The following DMD variants were observed in gnomAD, a reference collection of about 807,000 sequenced individuals.
DMD encodes the protein mutant dystrophin.
A neutral mutation model predicts 330.1 loss-of-function variants in DMD; 63 were observed. The ratio of observed to expected loss-of-function variants is 0.19; its 90% CI spans 0.16 to 0.24. The LOEUF (loss-of-function observed/expected upper bound fraction) is 0.24. Among genes scored for constraint, DMD ranks in the 10% least tolerant of loss-of-function variants. DMD has a pLI of 1.00. For missense variants in DMD, 3,344 were observed against 2,684.1 expected, an observed-to-expected ratio of 1.25 and a Z score of -5.43; for synonymous variants, 1,223 against 959.8, an observed-to-expected ratio of 1.27 and a Z score of -5.07.
chrX:32,931,848 A>G lies in DMD; in HGVS notation c.94-82028T>C, dbSNP rs1474488293. On this transcript the variant is annotated intron_variant, in intron 2 of 78. Coordinates refer to ENST00000357033, the MANE Select transcript of DMD (RefSeq NM_004006.3). Reference sequence around the variant, plus strand: ...AGCTGTATTTCATTTTAAGGTTTGAAACTCCAATATCTACTGTGTCAAAGC... The same window carrying G: ...AGCTGTATTTCATTTTAAGGTTTGAGACTCCAATATCTACTGTGTCAAAGC... Among the ~76,000 whole-genome samples the G allele has an allele frequency of 1.7e-4, 19 of 111,646 alleles. No individual in the cohort carries two copies. The Admixed American group carries it at 1.8e-3, about 11-fold the overall frequency.
chrX:32,216,375 C>T (rs1007119342), intron 44 of DMD, among the ~76,000 whole-genome samples: 1 of 111,559 alleles, frequency 9.0e-6, no homozygotes, highest in Non-Finnish European at 1.9e-5. Flanking sequence ...TAACATAAAC[C>T]ATAAAATGTC....
intron 4 of DMD, among the ~76,000 whole-genome samples, chrX:32,839,216 A>AC (rs2079934267): frequency 9.2e-6 from 1 of 108,421 alleles, no homozygotes; most frequent in Non-Finnish European, 1.9e-5. Context: ...AACTCACTCT[A>AC]CTCCACTTGC....
chrX:32,625,096 G>A (rs897088800), intron 11 of DMD, among the ~76,000 whole-genome samples: 3 of 111,773 alleles, frequency 2.7e-5, no homozygotes, highest in East Asian at 2.8e-4. Flanking sequence ...GCTTGAACCC[G>A]GGAGGCGGAG....
rs2149989725 is a variant in DMD, at chrX:31,929,672, A to C, written c.6836T>G (p.Val2279Gly). 8.3e-7 allele frequency: 1 copy of C among 1,211,265 alleles called. No homozygotes were observed. The highest frequency in any genetic ancestry group is 1.1e-6 in the Non-Finnish European group (1 of 895,225). Residue 2279 changes from valine (V) to glycine (G), a missense_variant, in exon 47 of 79, where the codon GTA becomes GGA. Val to Gly is a moderately radical substitution (Grantham distance 109, BLOSUM62 -3). Coordinates refer to ENST00000357033, the MANE Select transcript of DMD (RefSeq NM_004006.3). ...QLNETGGPVLVSAPISPEEQD... is the reference protein window; with the variant it reads ...QLNETGGPVLGSAPISPEEQD... ...CTCTTCTGGGCTTATGGGAGCACTT[A>C]CAAGCACGGGTCCTCCAGTTTCATT...
chrX:32,224,478 T>C (rs924891971), intron 43 of DMD, among the ~76,000 whole-genome samples: 7 of 111,725 alleles, frequency 6.3e-5, no homozygotes, highest in South Asian at 7.3e-4. Context: ...AGATAATGCA[T>C]GAACAGCAGA....
At chrX:32,416,702 T>C (rs1056707786) in intron 29 of DMD, among the ~76,000 whole-genome samples, 27 of 111,830 alleles carry the variant, frequency 2.4e-4, no homozygotes, top group African/African-American at 8.8e-4. Context: ...GAAAGTGTCT[T>C]GGGATAGGAG....
chrX:32,673,453 T>C (rs2061760514), intron 9 of DMD, among the ~76,000 whole-genome samples: 1 of 111,389 alleles, frequency 9.0e-6, no homozygotes, highest in Admixed American at 9.6e-5. Context: ...AAAGAAAATA[T>C]AGCTTTGTCT....
chrX:31,655,336 G>T (rs963221941), intron 54 of DMD, among the ~76,000 whole-genome samples: 1 of 110,889 alleles, frequency 9.0e-6, no homozygotes, highest in African/African-American at 3.3e-5. Context: ...AACTTGATTC[G>T]ATTTTGCAGG....
chrX:32,274,092 A>C (rs968975475), intron 43 of DMD, among the ~76,000 whole-genome samples: 4 of 112,030 alleles, frequency 3.6e-5, no homozygotes, highest in Admixed American at 1.9e-4. Flanking sequence ...ACAATGAATA[A>C]AGTCAAATAT....
At chrX:31,232,083 A>AAAAAAC (rs1288824126) in intron 63 of DMD, among the ~76,000 whole-genome samples, 1,018 of 17,336 alleles carry the variant, frequency 0.059, 55 homozygotes, top group African/African-American at 0.15. Context: ...GCACATGTTA[A>AAAAAAC]AAAAAAAAAA....
chrX:31,860,074 G>A (rs1411600240), intron 48 of DMD, among the ~76,000 whole-genome samples: 3 of 102,458 alleles, frequency 2.9e-5, no homozygotes, highest in Non-Finnish European at 4.0e-5. Context: ...ACACCCATGG[G>A]CAGAGCAGAG....
chrX:31,909,471 G>A (rs2094519662), intron 47 of DMD, among the ~76,000 whole-genome samples: 1 of 106,928 alleles, frequency 9.4e-6, no homozygotes, highest in African/African-American at 3.4e-5. Flanking sequence ...AGGGAAGTCA[G>A]GTGAAGCTGC....
chrX:33,167,529 T>C (rs5972768), intron 1 of DMD, among the ~76,000 whole-genome samples: 20,130 of 110,726 alleles, frequency 0.18, 1,744 homozygotes, highest in East Asian at 0.46. Context: ...TTTTACTTTA[T>C]CTTAAATATA....
chrX:31,696,346 CACAA>C (rs1310215274), intron 52 of DMD, among the ~76,000 whole-genome samples: 4 of 111,819 alleles, frequency 3.6e-5, no homozygotes, highest in African/African-American at 1.3e-4. Context: ...GGATGAATCT[CACAA>C]ACATATTGTT....
At chrX:31,170,210 A>G (rs2039851084) in intron 73 of DMD, among the ~76,000 whole-genome samples, 1 of 112,016 alleles carries the variant, frequency 8.9e-6, no homozygotes, top group African/African-American at 3.2e-5. Flanking sequence ...TAAGGGGAAA[A>G]AAGACATTAA....
intron 62 of DMD, among the ~76,000 whole-genome samples, chrX:31,308,442 T>C (rs781126506): frequency 8.9e-5 from 10 of 111,963 alleles, no homozygotes; most frequent in African/African-American, 2.9e-4. Flanking sequence ...AACTGAAATA[T>C]ACAAAATAAA....
At chrX:33,128,359 A>C in intron 1 of DMD, 3 of 1,026,872 alleles carry the variant, frequency 2.9e-6, no homozygotes, top group African/African-American at 1.9e-5. Context: ...ATCTTTTTGC[A>C]CCTGTTTCTT....
At chrX:32,732,520 G>A (rs1036096044) in intron 7 of DMD, among the ~76,000 whole-genome samples, 13 of 111,015 alleles carry the variant, frequency 1.2e-4, no homozygotes, top group South Asian at 3.9e-4. Flanking sequence ...GAGAAAGGTC[G>A]GGTTACCCTC....
At chrX:32,593,108 C>G (rs12015036) in intron 13 of DMD, among the ~76,000 whole-genome samples, 17,807 of 112,467 alleles carry the variant, frequency 0.16, 3,464 homozygotes, top group African/African-American at 0.55. Context: ...GCCTGCCAGG[C>G]TGAGTGGGTG....
Sources: gnomAD v4.1 joint callset for allele counts (sites outside exome capture counted in the v4.1 genomes callset) on GRCh38, gnomAD v4.1.1 for gene constraint, MANE v1.5 for transcripts, NCBI Gene and HGNC (gene_info 2026-07-23, HGNC 2026-07-21) for gene names.